Variants in PTBP1 observed in about 807,000 individuals in gnomAD.
PTBP1 encodes polypyrimidine tract binding protein 1.
PTBP1 carries 8 observed loss-of-function variants against 59.8 expected under a neutral mutation model. The ratio of observed to expected loss-of-function variants is 0.13; its 90% CI spans 0.08 to 0.24. PTBP1 has a LOEUF of 0.24. PTBP1 is among the 10% of genes least tolerant of loss of function. The pLI, the probability that PTBP1 is intolerant of heterozygous loss-of-function variation, is 1.00. For synonymous variants in PTBP1, 490 were observed against 320.7 expected, an observed-to-expected ratio of 1.53 and a Z score of -5.64; for missense variants, 686 against 767.0, an observed-to-expected ratio of 0.89 and a Z score of 1.25.
At chr19:799,521 T>G in intron 2 of PTBP1, 78 bp downstream of exon 2, 409 of 1,297,218 alleles carry the variant, frequency 3.2e-4, no homozygotes, top group Non-Finnish European at 4.1e-4. Flanking sequence ...CCCAGCGCTG[T>G]TGCGTTGGCT....
Position 808,826 on chromosome 19 carries a change from A to G in PTBP1, c.1463+64A>G, listed in dbSNP as rs1291292623. 12 of 1,466,096 alleles carry G rather than the reference A, an allele frequency of 8.2e-6. No homozygotes were observed. The highest frequency in any genetic ancestry group is 2.8e-5 in the African/African-American group (2 of 71,074). The allele number at this position is 1,466,096 out of a possible 1,614,324, so 90.8% of individuals were successfully genotyped here. On this transcript the variant is annotated intron_variant, in intron 13 of 14. Transcript: ENST00000356948. The surrounding 1 kb of genome is among the most constrained non-coding windows in gnomAD (Gnocchi z 4.7). ...GGCAAGGGCTCTGCTTGGCTGTCCT[A>G]CCGCGTCGGTGTGTGGACTTCTGGC...
At chr19:805,986 C>T (rs1344520437) in intron 9 of PTBP1, 4 of 250,602 alleles carry the variant, frequency 1.6e-5, no homozygotes, top group East Asian at 1.1e-4. Context: ...CTTCTGGGAC[C>T]GGGGCCCGGC....
At position 810,836 on chromosome 19, in the gene PTBP1, C is replaced by T. The variant is rs374189015; in HGVS notation, c.*10C>T. 6.5e-7 allele frequency: 1 copy of T among 1,529,446 alleles called. No individual in the cohort carries two copies. Among genetic ancestry groups the T allele is most frequent in the South Asian group, 1.3e-5 (1 of 78,546 alleles). The allele number at this position is 1,529,446 out of a possible 1,614,324, so 94.7% of individuals were successfully genotyped here. A position where few individuals can be genotyped will look rare whatever the true frequency, so the allele number is the denominator to read the frequency against. The stretch of plus-strand genomic sequence containing the variant: ...CAAGTCCACCATCTAGGGGCACAGG[C>T]CCCCACGGCCGGGCCCCCTGGCGAC... On this transcript the variant is annotated 3_prime_UTR_variant, in exon 15 of 15. Coordinates refer to ENST00000356948, the MANE Select transcript of PTBP1 (RefSeq NM_002819.5).
Position 808,729 on chromosome 19 carries a change from C to A in PTBP1, c.1430C>A (p.Pro477Gln), listed in dbSNP as rs989486637. The A allele has an allele frequency of 6.2e-7, 1 of 1,612,952 alleles. No individual in the cohort carries two copies. The highest frequency in any genetic ancestry group is 1.7e-5 in the Admixed American group (1 of 60,006). Reference protein sequence around the residue: ...PGSKNFQNIFPPSATLHLSNI... With the variant: ...PGSKNFQNIFQPSATLHLSNI... ...TCCAAGAACTTCCAGAACATATTCC[C>A]GCCCTCGGCCACGCTGCACCTCTCC... The change falls in exon 13 of 15, where the codon CCG becomes CAG. Residue 477 changes from proline to glutamine, a missense_variant. Coordinates refer to ENST00000356948, the MANE Select transcript of PTBP1 (RefSeq NM_002819.5). The surrounding 1 kb of genome is among the most constrained non-coding windows in gnomAD (Gnocchi z 4.7).
intron 11 of PTBP1, 79 bp downstream of exon 11, chr19:807,981 TTG>T: frequency 2.2e-6 from 3 of 1,387,022 alleles, no homozygotes; most frequent in Non-Finnish European, 3.1e-6. Flanking sequence ...TATTATGAGT[TTG>T]CGGTTTGGCA....
chr19:797,889 C>CCT (rs1449478947), intron 1 of PTBP1, among the ~76,000 whole-genome samples: 1 of 148,902 alleles, frequency 6.7e-6, no homozygotes, highest in African/African-American at 2.4e-5. Flanking sequence ...CCGTCCGCTC[C>CCT]CCTCGTGCGC....
At position 804,576 on chromosome 19, in the gene PTBP1, G is replaced by C. The variant is rs2034477428; in HGVS notation, c.480G>C (p.Gly160=). The C allele has an allele frequency of 6.2e-7, 1 of 1,610,096 alleles. No individual in the cohort carries two copies. Among genetic ancestry groups the C allele is most frequent in the African/African-American group, 1.3e-5 (1 of 74,906 alleles). Residue 160 remains glycine (G), a synonymous_variant, in exon 6 of 15, where the codon GGG becomes GGC. Transcript: ENST00000356948. Reference sequence around the variant, plus strand: ...AGGCGGTGAACTCGGTCCAGTCGGGGAACCTGGCCTTGGCTGCCTCGGCGG... The same window carrying C: ...AGGCGGTGAACTCGGTCCAGTCGGGCAACCTGGCCTTGGCTGCCTCGGCGG... The part of the protein sequence containing the change: ...ALQAVNSVQS[G]NLALAASAAA...
In PTBP1 at chr19:808,179, C is replaced by A. The variant is rs1168360543; in HGVS notation, c.1154-181C>A. On this transcript the variant is annotated intron_variant, in intron 11 of 14. Coordinates refer to ENST00000356948, the MANE Select transcript of PTBP1 (RefSeq NM_002819.5). This position sits in a 1 kb window ranked among gnomAD's most constrained non-coding sequence, Gnocchi z 4.7. ...ACCTGTCCTGGATGCTATGACTTTG[C>A]TGAACGGAGCTGCTCCTGTTAGCGC... The A allele has an allele frequency of 3.1e-6, 2 of 647,304 alleles. No individual in the cohort carries two copies. Among genetic ancestry groups the A allele is most frequent in the Admixed American group, 5.6e-5 (2 of 35,978 alleles). The allele number at this position is 647,304 out of a possible 1,614,324, so 40.1% of individuals were successfully genotyped here.
intron 8 of PTBP1, 114 bp downstream of exon 8, chr19:805,301 C>T (rs2034513000): frequency 3.1e-6 from 4 of 1,307,986 alleles, no homozygotes; most frequent in African/African-American, 2.9e-5. Flanking sequence ...ACCTGCTGCT[C>T]TCTGCACGGC....
intron 2 of PTBP1, among the ~76,000 whole-genome samples, chr19:802,856 A>G (rs1043674446): frequency 1.3e-5 from 2 of 152,206 alleles, no homozygotes; most frequent in Middle Eastern, 3.2e-3. Context: ...TAACCAGTGA[A>G]TAGATTGTTT....
Position 806,557 on chromosome 19 carries a change from G to T in PTBP1, c.1119+1G>T. ...GCTGGTCAGCAACCTCAACCCAGAGGTACGTGGGCTTTTCCTCCGCGCCGC... is the reference window on the plus strand; with the variant it reads ...GCTGGTCAGCAACCTCAACCCAGAGTTACGTGGGCTTTTCCTCCGCGCCGC... On this transcript the variant is annotated splice_donor_variant, in intron 10 of 14. Transcript: ENST00000356948. LOFTEE classifies it high-confidence loss of function. 1 of 1,500,776 alleles carries T rather than the reference G, an allele frequency of 6.7e-7. No individual in the cohort carries two copies. The highest frequency in any genetic ancestry group is 8.9e-7 in the Non-Finnish European group (1 of 1,125,490). 93.0% of individuals were successfully genotyped at this position (1,500,776 alleles called of 1,614,324 possible). A position where few individuals can be genotyped will look rare whatever the true frequency, so the allele number is the denominator to read the frequency against.
At chr19:800,193 C>T (rs916027554) in intron 2 of PTBP1, among the ~76,000 whole-genome samples, 1 of 151,828 alleles carries the variant, frequency 6.6e-6, no homozygotes, top group Non-Finnish European at 1.5e-5. Context: ...CTTGGCCTCC[C>T]ACAGTGCTGG....
At chr19:806,057 T>C (rs1173110964) in intron 9 of PTBP1, 1 of 258,102 alleles carries the variant, frequency 3.9e-6, no homozygotes, top group East Asian at 9.3e-5. Context: ...CTCGTCTGCA[T>C]GGAGGCATGG....
Position 812,091 on chromosome 19 carries a change from A to C in PTBP1, c.*1265A>C, listed in dbSNP as rs548087183. The C allele has an allele frequency of 6.6e-6, 1 of 152,502 alleles. No homozygotes were observed. Among genetic ancestry groups the C allele is most frequent in the African/African-American group, 2.4e-5 (1 of 41,562 alleles). 9.4% of individuals were successfully genotyped at this position (152,502 alleles called of 1,614,324 possible). A position where few individuals can be genotyped will look rare whatever the true frequency, so the allele number is the denominator to read the frequency against. On this transcript the variant is annotated 3_prime_UTR_variant, in exon 15 of 15. Transcript: ENST00000356948. Reference sequence around the variant, plus strand: ...CGGTTTTTTATGGTGACACAAATGTATATTTTGCTAACAGCAATTCCAGGC... The same window carrying C: ...CGGTTTTTTATGGTGACACAAATGTCTATTTTGCTAACAGCAATTCCAGGC...
chr19:806,510 CG>C lies in PTBP1; in HGVS notation c.1078del (p.Ala360GlnfsTer34). The C allele has an allele frequency of 6.4e-7, 1 of 1,567,094 alleles. No homozygotes were observed. The highest frequency in any genetic ancestry group is 8.6e-7 in the Non-Finnish European group (1 of 1,159,626). ...AAGRIAIPGL[A>X]GAGNSVLLVS... ...GGTCGGATCGCCATCCCGGGCCTGG[CG>C]GGGGCAGGAAATTCTGTATTGCTGG... is the stretch of plus-strand genomic sequence containing the variant. On this transcript the variant is annotated frameshift_variant, in exon 10 of 15. Transcript: ENST00000356948. LOFTEE classifies it high-confidence loss of function.
intron 9 of PTBP1, 42 bp from the exon 10 acceptor site, chr19:806,366 A>G (rs764381372): frequency 1.8e-5 from 28 of 1,566,320 alleles, no homozygotes; most frequent in Admixed American, 3.7e-5. Context: ...TCTGCGGTGG[A>G]GTCGGGGGCG....
intron 8 of PTBP1, 92 bp from the exon 9 acceptor site, chr19:805,396 GCCGC>G: frequency 2.3e-6 from 3 of 1,329,132 alleles, no homozygotes; most frequent in Admixed American, 1.8e-5. Context: ...CTCTGCCGGG[GCCGC>G]CCGCCGGCCG....
intron 1 of PTBP1, 101 bp downstream of exon 1, chr19:797,606 G>C (rs2034127113): frequency 8.0e-6 from 6 of 753,576 alleles, no homozygotes; most frequent in Non-Finnish European, 1.1e-5. Flanking sequence ...CCCCCTCTCG[G>C]GCGGGAGGGG....
rs754622166 is a variant in PTBP1, at chr19:810,877, A to G, written c.*51A>G. 33 of 1,483,166 alleles carry G rather than the reference A, an allele frequency of 2.2e-5. No individual in the cohort carries two copies. Among genetic ancestry groups the G allele is most frequent in the Non-Finnish European group, 2.9e-5 (33 of 1,122,278 alleles). 91.9% of individuals were successfully genotyped at this position (1,483,166 alleles called of 1,614,324 possible). A position where few individuals can be genotyped will look rare whatever the true frequency, so the allele number is the denominator to read the frequency against. On this transcript the variant is annotated 3_prime_UTR_variant, in exon 15 of 15. Coordinates refer to ENST00000356948, the MANE Select transcript of PTBP1 (RefSeq NM_002819.5). ...CCCTGGCGACAACTTCCATCATTCC[A>G]GAGAAAAGCCACTTTAAAAACAGCT...
Sources: gnomAD v4.1 joint callset for allele counts (sites outside exome capture counted in the v4.1 genomes callset) on GRCh38, gnomAD v4.1.1 for gene constraint, Gnocchi (gnomAD v3.1) non-coding constraint, MANE v1.5 for transcripts, NCBI Gene and HGNC (gene_info 2026-07-23, HGNC 2026-07-21) for gene names.